The following KHDRBS2 variants were observed in gnomAD, a reference collection of about 807,000 sequenced individuals.
KHDRBS2 encodes KH domain-containing, RNA-binding, signal transduction-associated protein 2.
In KHDRBS2, 26 loss-of-function variants were observed where a neutral mutation model predicts 44.3. The observed-to-expected ratio is 0.59, with a 90% CI of 0.43 to 0.81. KHDRBS2 has a LOEUF of 0.81. Ranked by LOEUF, KHDRBS2 falls within the 40% of genes least tolerant of loss-of-function variation. The pLI, the probability that KHDRBS2 is intolerant of heterozygous loss-of-function variation, is 0.00. For synonymous variants in KHDRBS2, 194 were observed against 151.1 expected, an observed-to-expected ratio of 1.28 and a Z score of -2.08; for missense variants, 476 against 433.1, an observed-to-expected ratio of 1.10 and a Z score of -0.88.
chr6:61,776,051 T>C (rs1187830154), intron 6 of KHDRBS2, among the ~76,000 whole-genome samples: 10 of 152,330 alleles, frequency 6.6e-5, no homozygotes, highest in Admixed American at 5.2e-4. Context: ...AAGGATTCCC[T>C]ATTTAATAAA....
intron 8 of KHDRBS2, among the ~76,000 whole-genome samples, chr6:61,692,164 T>G (rs1376552077): frequency 6.6e-6 from 1 of 152,100 alleles, no homozygotes; most frequent in East Asian, 1.9e-4. Flanking sequence ...AAATGCAGCC[T>G]TAGTGAATTA....
At chr6:61,602,095 A>G in the KHDRBS2 span, among the ~76,000 whole-genome samples, 1 of 152,132 alleles carries the variant, frequency 6.6e-6, no homozygotes, top group Admixed American at 6.5e-5. Flanking sequence ...CTTATTCTCA[A>G]TATGCATTTT....
intron 3 of KHDRBS2, among the ~76,000 whole-genome samples, chr6:62,029,089 T>A (rs1376337371): frequency 6.6e-6 from 1 of 152,036 alleles, no homozygotes; most frequent in African/African-American, 2.4e-5. Flanking sequence ...TAACTGTAGT[T>A]ATGAATTACA....
intron 2 of KHDRBS2, among the ~76,000 whole-genome samples, chr6:62,147,047 A>T (rs554736252): frequency 6.6e-6 from 1 of 152,024 alleles, no homozygotes; most frequent in Admixed American, 6.6e-5. Flanking sequence ...TGCTTATAAG[A>T]TATACAAAAG....
chr6:61,599,795 A>C, the KHDRBS2 span, among the ~76,000 whole-genome samples: 1 of 152,196 alleles, frequency 6.6e-6, no homozygotes, highest in Non-Finnish European at 1.5e-5. Context: ...CTCTGTTCCC[A>C]GTCCTTTCAC....
the KHDRBS2 span, among the ~76,000 whole-genome samples, chr6:61,610,011 A>C: frequency 2.0e-5 from 3 of 152,078 alleles, no homozygotes; most frequent in Non-Finnish European, 2.9e-5. Context: ...GTCTCTGCTA[A>C]AAATACAAAA....
intron 6 of KHDRBS2, among the ~76,000 whole-genome samples, chr6:61,736,212 T>TCACACA (rs376298733): frequency 0.11 from 15,461 of 135,436 alleles, 1,497 homozygotes; most frequent in African/African-American, 0.26. Context: ...TTACTTTACT[T>TCACACA]CACACACACA....
intron 1 of KHDRBS2, among the ~76,000 whole-genome samples, chr6:62,260,712 A>G (rs1257745833): frequency 6.6e-6 from 1 of 151,950 alleles, no homozygotes; most frequent in East Asian, 1.9e-4. Context: ...ATTTTACAGG[A>G]AAATCACTTT....
intron 2 of KHDRBS2, among the ~76,000 whole-genome samples, chr6:62,104,073 A>G (rs1322465673): frequency 6.6e-6 from 1 of 152,182 alleles, no homozygotes; most frequent in African/African-American, 2.4e-5. Context: ...AATATATAGG[A>G]TTTTTATTGC....
chr6:62,065,940 G>T (rs1584475020), intron 2 of KHDRBS2, among the ~76,000 whole-genome samples: 1 of 149,536 alleles, frequency 6.7e-6, no homozygotes, highest in Admixed American at 6.7e-5. Flanking sequence ...CTTCTGCATT[G>T]TTTTTTTGTG....
chr6:61,958,153 C>T (rs1186212144), intron 4 of KHDRBS2, among the ~76,000 whole-genome samples: 1 of 152,144 alleles, frequency 6.6e-6, no homozygotes, highest in African/African-American at 2.4e-5. Flanking sequence ...GTTCTCTGTA[C>T]TCCCATTCTA....
chr6:61,956,904 T>TTCA (rs113300633), intron 4 of KHDRBS2, among the ~76,000 whole-genome samples: 47,290 of 148,210 alleles, frequency 0.32, 7,719 homozygotes, highest in East Asian at 0.37. Context: ...GTTATTGGTT[T>TTCA]TCATCATCAT....
the KHDRBS2 span, among the ~76,000 whole-genome samples, chr6:61,544,601 T>C: frequency 1.3e-5 from 2 of 152,274 alleles, no homozygotes; most frequent in Admixed American, 1.3e-4. Flanking sequence ...ATTTACTTCC[T>C]GACTCTCAGG....
chr6:61,567,411 A>G, the KHDRBS2 span, among the ~76,000 whole-genome samples: 89,939 of 152,076 alleles, frequency 0.59, 26,811 homozygotes, highest in Non-Finnish European at 0.61. Context: ...TTGAAGCAGT[A>G]TTGCTTCAGC....
At chr6:62,000,563 G>A (rs529884602) in intron 3 of KHDRBS2, among the ~76,000 whole-genome samples, 1 of 152,316 alleles carries the variant, frequency 6.6e-6, no homozygotes, top group East Asian at 1.9e-4. Context: ...ATTCGTAAGA[G>A]TTAAATCAGT....
chr6:61,751,674 C>A (rs1015401779), intron 6 of KHDRBS2, among the ~76,000 whole-genome samples: 1 of 152,160 alleles, frequency 6.6e-6, no homozygotes, highest in African/African-American at 2.4e-5. Context: ...CAAATTGGCA[C>A]AGTCTGATTG....
At chr6:62,173,401 C>T (rs150657784) in intron 2 of KHDRBS2, among the ~76,000 whole-genome samples, 1 of 151,970 alleles carries the variant, frequency 6.6e-6, no homozygotes. Flanking sequence ...AGACTGAATC[C>T]CTAAACAGAC....
intron 3 of KHDRBS2, among the ~76,000 whole-genome samples, chr6:61,980,312 G>A (rs549458152): frequency 3.3e-5 from 5 of 152,106 alleles, no homozygotes; most frequent in African/African-American, 1.2e-4. Flanking sequence ...ATCTAATGTG[G>A]AACACATATT....
chr6:62,092,348 T>G (rs141273857), intron 2 of KHDRBS2, among the ~76,000 whole-genome samples: 83 of 152,310 alleles, frequency 5.4e-4, no homozygotes, highest in African/African-American at 1.9e-3. Context: ...ATATCTTTAT[T>G]GAAATATCTT....
Sources: gnomAD v4.1 joint callset for allele counts (sites outside exome capture counted in the v4.1 genomes callset) on GRCh38, gnomAD v4.1.1 for gene constraint, MANE v1.5 for transcripts, NCBI Gene and HGNC (gene_info 2026-07-23, HGNC 2026-07-21) for gene names.